TLN1: variants seen among roughly 807,000 people sequenced by gnomAD.
TLN1 encodes talin 1.
Under a neutral mutation model 292.3 loss-of-function variants are expected in TLN1, and 56 were observed. That is an observed-to-expected ratio of 0.19 (90% CI 0.15 to 0.24). TLN1 has a LOEUF of 0.24. Ranked by LOEUF, TLN1 falls within the 10% of genes least tolerant of loss-of-function variation. The pLI is 1.00. For synonymous variants in TLN1, 1,119 were observed against 1,253.7 expected (o/e 0.89, Z 2.27); for missense variants, 2,433 against 3,248.2 (o/e 0.75, Z 6.10).
intron 27 of TLN1, 81 bp from the exon 28 acceptor site, chr9:35,712,205 C>G: frequency 6.6e-7 from 1 of 1,505,308 alleles, no homozygotes; most frequent in Non-Finnish European, 8.9e-7. Flanking sequence ...TGGGAGATGA[C>G]TAGCTCTACT....
At position 35,713,009 on chromosome 9, in the gene TLN1, C is replaced by T; in HGVS notation, c.3387G>A (p.Arg1129=). ...CTCCCCTAGCGGCCTGGGCCAGTGA[C>T]CGCAGCCCACCTGCCACATCCCGAG... ...IAARDVAGGL[R]SLAQAARGVA... The change falls in exon 27 of 57, where the codon CGG becomes CGA. Residue 1129 remains arginine (R), a synonymous_variant. Transcript: ENST00000314888. The T allele has an allele frequency of 1.2e-6, 2 of 1,607,808 alleles. No individual in the cohort carries two copies. Among genetic ancestry groups the T allele is most frequent in the Non-Finnish European group, 1.7e-6 (2 of 1,178,022 alleles).
Position 35,719,852 on chromosome 9 carries a change from G to A in TLN1, c.1466C>T (p.Thr489Ile). Reference sequence around the variant, plus strand: ...TCCAGTGAGTGCCTGCTGGGCTGAAGTCTAAAGACAAGTGGGGAGAAACAG... The same window carrying A: ...TCCAGTGAGTGCCTGCTGGGCTGAAATCTAAAGACAAGTGGGGAGAAACAG... ...QMHRGHMPPL[T>I]SAQQALTGTI... The change falls in exon 14 of 57, where the codon ACT becomes ATT. Residue 489 changes from threonine to isoleucine, a missense_variant and splice_region_variant. Physicochemically the swap from Thr to Ile is moderately conservative, Grantham distance 89. Transcript: ENST00000314888. This position sits in a 1 kb window ranked among gnomAD's most constrained non-coding sequence, Gnocchi z 4.6. 1 of 1,582,412 alleles carries A rather than the reference G, an allele frequency of 6.3e-7. No individual in the cohort carries two copies. The highest frequency in any genetic ancestry group is 1.9e-5 in the Admixed American group (1 of 53,864).
Position 35,704,548 on chromosome 9 carries a change from G to C in TLN1, c.5881-50C>G, listed in dbSNP as rs758208746. The C allele has an allele frequency of 1.3e-6, 2 of 1,582,936 alleles. No individual in the cohort carries two copies. The highest frequency in any genetic ancestry group is 1.7e-6 in the Non-Finnish European group (2 of 1,162,762). The stretch of plus-strand genomic sequence containing the variant: ...ACTGTGGAAGGTGCCATGTGAAATG[G>C]AAAGGTTGCCCATGCCTGGGAGAAG... On this transcript the variant is annotated intron_variant, in intron 44 of 56. Transcript: ENST00000314888. The surrounding 1 kb of genome is among the most constrained non-coding windows in gnomAD (Gnocchi z 6.9).
In TLN1 at chr9:35,707,634, G is replaced by C; in HGVS notation, c.4632+97C>G. On this transcript the variant is annotated intron_variant, in intron 35 of 56. Transcript: ENST00000314888. This position sits in a 1 kb window ranked among gnomAD's most constrained non-coding sequence, Gnocchi z 5.6. ...AATAGAAAGAGCTTGGGCTCAGGCA[G>C]AGGGGATTTGGTAGAAGGCTTCAGA... is the stretch of plus-strand genomic sequence containing the variant. 1 of 1,588,582 alleles carries C rather than the reference G, an allele frequency of 6.3e-7. No individual in the cohort carries two copies. The highest frequency in any genetic ancestry group is 1.1e-5 in the South Asian group (1 of 87,602).
chr9:35,704,414 T>C lies in TLN1; in HGVS notation c.5965A>G (p.Ile1989Val), dbSNP rs1453658760. ...ITAASAVSGIIADLDTTIMFA... is the reference protein window; with the variant it reads ...ITAASAVSGIVADLDTTIMFA... The stretch of plus-strand genomic sequence containing the variant: ...ATGATGGTGGTGTCGAGGTCAGCAA[T>C]GATACCAGACACAGCGCTGGCTGCT... Residue 1989 changes from isoleucine (I) to valine (V), a missense_variant, in exon 45 of 57, where the codon ATT (isoleucine) becomes GTT (valine). This residue lies in a region of TLN1 where 1,384 missense variants were observed against 1,699.6 expected (regional missense o/e 0.81). Transcript: ENST00000314888. This position sits in a 1 kb window ranked among gnomAD's most constrained non-coding sequence, Gnocchi z 6.9. The C allele has an allele frequency of 1.4e-5, 22 of 1,614,196 alleles. No individual in the cohort carries two copies. Among genetic ancestry groups the C allele is most frequent in the Non-Finnish European group, 1.9e-5 (22 of 1,180,024 alleles).
chr9:35,712,988 C>T lies in TLN1; in HGVS notation c.3408G>A (p.Arg1136=). The stretch of plus-strand genomic sequence containing the variant: ...GATCTGACGTCAGTGCAGCGACTCC[C>T]CTAGCGGCCTGGGCCAGTGACCGCA... ...GGLRSLAQAA[R]GVAALTSDPA... The change falls in exon 27 of 57, where the codon AGG becomes AGA. Residue 1136 remains arginine (R), a synonymous_variant. Transcript: ENST00000314888. The T allele has an allele frequency of 1.2e-6, 2 of 1,609,888 alleles. No homozygotes were observed. The highest frequency in any genetic ancestry group is 1.7e-6 in the Non-Finnish European group (2 of 1,178,910).
In TLN1 at chr9:35,717,685, C is replaced by G; in HGVS notation, c.2097G>C (p.Gln699His). Residue 699 changes from glutamine to histidine, a missense_variant, in exon 18 of 57, where the codon CAG (glutamine) becomes CAC (histidine). Coordinates refer to ENST00000314888, the MANE Select transcript of TLN1 (RefSeq NM_006289.4). This position sits in a 1 kb window ranked among gnomAD's most constrained non-coding sequence, Gnocchi z 4.7. ...VAQRTEDSGLQTQVIAAATQC... is the reference protein window; with the variant it reads ...VAQRTEDSGLHTQVIAAATQC... Reference sequence around the variant, plus strand: ...GTGTTGCTGCAGCAATAACTTGGGTCTGAAGTCCCGAGTCCTCTGTCCGCT... The same window carrying G: ...GTGTTGCTGCAGCAATAACTTGGGTGTGAAGTCCCGAGTCCTCTGTCCGCT... The G allele has an allele frequency of 6.2e-7, 1 of 1,614,126 alleles. No individual in the cohort carries two copies. Among genetic ancestry groups the G allele is most frequent in the Non-Finnish European group, 8.5e-7 (1 of 1,180,004 alleles).
chr9:35,726,176 G>A (rs1054155914), intron 1 of TLN1, among the ~76,000 whole-genome samples: 1 of 152,198 alleles, frequency 6.6e-6, no homozygotes, highest in Non-Finnish European at 1.5e-5. Context: ...CCCAAGTGCT[G>A]GGATTACAGG....
At chr9:35,709,384 G>A (rs910009861) in intron 33 of TLN1, among the ~76,000 whole-genome samples, 1 of 152,252 alleles carries the variant, frequency 6.6e-6, no homozygotes, top group Admixed American at 6.5e-5. Context: ...AGGGCACAGG[G>A]AGGTGGTGGA....
chr9:35,703,416 C>A, intron 48 of TLN1, 144 bp downstream of exon 48: 1 of 748,126 alleles, frequency 1.3e-6, no homozygotes. Flanking sequence ...AGAGCAAGAC[C>A]CTTCTCAAAA....
rs932838129 is a variant in TLN1 at position 35,724,145 on chromosome 9, C to T, written c.654+47G>A. ...TGCAAGGACACGCACACTGTGCTTC[C>T]GAGCCCTCCCTATTCCTGCCCCACC... On this transcript the variant is annotated intron_variant, in intron 6 of 56. Transcript: ENST00000314888. This position sits in a 1 kb window ranked among gnomAD's most constrained non-coding sequence, Gnocchi z 4.7. The T allele has an allele frequency of 9.9e-6, 16 of 1,613,452 alleles. No individual in the cohort carries two copies. The highest frequency in any genetic ancestry group is 1.6e-4 in the Middle Eastern group (1 of 6,082).
chr9:35,697,653 CG>C lies in TLN1; in HGVS notation c.*137del. ...ACAGGGGATGTACTGCGGGACTGGG[CG>C]GGGCCAGGCCCTGGGGTTTGGCAGG... On this transcript the variant is annotated 3_prime_UTR_variant, in exon 57 of 57. Transcript: ENST00000314888. 1 of 1,306,546 alleles carries C rather than the reference CG, an allele frequency of 7.7e-7. No homozygotes were observed. Among genetic ancestry groups the C allele is most frequent in the Non-Finnish European group, 1.0e-6 (1 of 956,052 alleles). The allele number at this position is 1,306,546 out of a possible 1,614,324, so 80.9% of individuals were successfully genotyped here.
chr9:35,717,929 T>C lies in TLN1; in HGVS notation c.1996-143A>G. The stretch of plus-strand genomic sequence containing the variant: ...GAAGCAACCAGAACCTACCCCGAGC[T>C]ACTGCCCTGAGCACCCAGCAGGACA... On this transcript the variant is annotated intron_variant, in intron 17 of 56. Coordinates refer to ENST00000314888, the MANE Select transcript of TLN1 (RefSeq NM_006289.4). This position sits in a 1 kb window ranked among gnomAD's most constrained non-coding sequence, Gnocchi z 4.7. 1 of 968,994 alleles carries C rather than the reference T, an allele frequency of 1.0e-6. No individual in the cohort carries two copies. The allele number at this position is 968,994 out of a possible 1,614,324, so 60.0% of individuals were successfully genotyped here. A position where few individuals can be genotyped will look rare whatever the true frequency, so the allele number is the denominator to read the frequency against.
At chr9:35,709,939 G>A (rs1477802268) in intron 33 of TLN1, among the ~76,000 whole-genome samples, 4 of 137,986 alleles carry the variant, frequency 2.9e-5, no homozygotes, top group Admixed American at 1.5e-4. Context: ...CAGGCCAGGC[G>A]CGGTGGCTCA....
chr9:35,700,270 T>C lies in TLN1; in HGVS notation c.6581A>G (p.Asn2194Ser), dbSNP rs764826141. Residue 2194 changes from asparagine (N) to serine (S), a missense_variant, in exon 49 of 57, where the codon AAT (asparagine) becomes AGT (serine). By Grantham distance (46) the Asn-to-Ser change is conservative. Coordinates refer to ENST00000314888, the MANE Select transcript of TLN1 (RefSeq NM_006289.4). Reference sequence around the variant, plus strand: ...AATGACATCTTCCTGGCGACAGGAATTGCCAGCAGCAACGGCCTTGGCGGT... The same window carrying C: ...AATGACATCTTCCTGGCGACAGGAACTGCCAGCAGCAACGGCCTTGGCGGT... ...MATAKAVAAG[N>S]SCRQEDVIAT... 3.1e-6 allele frequency: 5 copies of C among 1,613,584 alleles called. No homozygotes were observed. Among genetic ancestry groups the C allele is most frequent in the African/African-American group, 2.7e-5 (2 of 75,024 alleles).
At chr9:35,713,735 G>T (rs1395176655) in intron 25 of TLN1, among the ~76,000 whole-genome samples, 1 of 144,164 alleles carries the variant, frequency 6.9e-6, no homozygotes, top group African/African-American at 2.6e-5. Flanking sequence ...GAAAAGAAAA[G>T]AAAGAGGAGA....
In TLN1 at chr9:35,717,795, A is replaced by G. The variant is rs1387436180; in HGVS notation, c.1996-9T>C. ...AGCTGCATTAGCGCATCCTGTGAGA[A>G]AACAGCAGTTAGCATGACCTGAGAT... is the stretch of plus-strand genomic sequence containing the variant. On this transcript the variant is annotated splice_polypyrimidine_tract_variant and intron_variant, in intron 17 of 56. Coordinates refer to ENST00000314888, the MANE Select transcript of TLN1 (RefSeq NM_006289.4). The surrounding 1 kb of genome is among the most constrained non-coding windows in gnomAD (Gnocchi z 4.7). The G allele has an allele frequency of 6.3e-7, 1 of 1,590,898 alleles. No homozygotes were observed. The highest frequency in any genetic ancestry group is 8.6e-7 in the Non-Finnish European group (1 of 1,162,514).
intron 33 of TLN1, among the ~76,000 whole-genome samples, chr9:35,709,788 G>C (rs1374310469): frequency 6.7e-6 from 1 of 148,334 alleles, no homozygotes; most frequent in African/African-American, 2.5e-5. Context: ...ACGGGAGGCT[G>C]AGGCAGGAGA....
chr9:35,697,183 T>C lies in TLN1; in HGVS notation c.*608A>G, dbSNP rs1038851712. ...ACTTCCCCATTGGATAACTTTAGGG[T>C]CCGGGTGCAAGGAGGAAGGGACCTC... On this transcript the variant is annotated 3_prime_UTR_variant, in exon 57 of 57. Transcript: ENST00000314888. The C allele has an allele frequency of 6.6e-6, 1 of 152,496 alleles. No individual in the cohort carries two copies. 9.4% of individuals were successfully genotyped at this position (152,496 alleles called of 1,614,324 possible).
Sources: allele counts gnomAD v4.1 joint callset (sites outside exome capture counted in the v4.1 genomes callset), GRCh38; gene constraint gnomAD v4.1.1; regional missense constraint gnomAD v4.1.1; non-coding constraint Gnocchi (gnomAD v3.1); transcripts MANE v1.5; gene names NCBI Gene and HGNC (gene_info 2026-07-23, HGNC 2026-07-21).